The following SEMA6D variants were observed in gnomAD, a reference collection of about 807,000 sequenced individuals.
SEMA6D encodes semaphorin-6D.
A neutral mutation model predicts 106.6 loss-of-function variants in SEMA6D; 35 were observed. The ratio of observed to expected loss-of-function variants is 0.33; its 90% confidence interval spans 0.25 to 0.44. The LOEUF (loss-of-function observed/expected upper bound fraction) is 0.44. SEMA6D is among the 20% of genes least tolerant of loss of function. The pLI, the probability that SEMA6D is intolerant of heterozygous loss-of-function variation, is 1.00. For missense variants in SEMA6D, 1,185 were observed against 1,345.9 expected, an observed-to-expected ratio of 0.88 and a Z score of 1.87; for synonymous variants, 499 against 487.7, an observed-to-expected ratio of 1.02 and a Z score of -0.31.
In SEMA6D at chr15:47,770,620, A is replaced by G; in HGVS notation, c.2057A>G (p.Tyr686Cys). Residue 686 changes from tyrosine to cysteine, a missense_variant, in exon 19 of 19, where the codon TAT becomes TGT. Physicochemically the swap from Tyr to Cys is radical, Grantham distance 194. This residue lies in a region of SEMA6D where 750 missense variants were observed against 783.5 expected (regional missense o/e 0.96). Coordinates refer to ENST00000536845, the MANE Select transcript of SEMA6D (RefSeq NM_001358351.3). ...AFIAGVAVYC[Y>C]RDMFVRKNRK... ...ATTGCAGGTGTGGCAGTATACTGCT[A>G]TCGAGACATGTTTGTTCGGAAAAAC... 6.2e-7 allele frequency: 1 copy of G among 1,614,080 alleles called. No individual in the cohort carries two copies. The highest frequency in any genetic ancestry group is 8.5e-7 in the Non-Finnish European group (1 of 1,179,970).
intron 2 of SEMA6D, among the ~76,000 whole-genome samples, chr15:47,433,472 A>G (rs2041603476): frequency 1.3e-5 from 2 of 152,100 alleles, no homozygotes; most frequent in African/African-American, 2.4e-5. Context: ...CAACCTCTCC[A>G]GCTAAACTAT....
intron 4 of SEMA6D, among the ~76,000 whole-genome samples, chr15:47,645,624 G>A (rs549094201): frequency 2.0e-5 from 3 of 152,116 alleles, no homozygotes; most frequent in South Asian, 2.1e-4. Flanking sequence ...CCAGCTGGAT[G>A]TACTATAATT....
At chr15:47,744,509 A>T (rs1190475094) in intron 1 of SEMA6D, among the ~76,000 whole-genome samples, 1 of 152,098 alleles carries the variant, frequency 6.6e-6, no homozygotes, top group African/African-American at 2.4e-5. Context: ...CCCCTGGGTG[A>T]GGTGAGAAAG....
chr15:47,747,256 G>C (rs2081196361), intron 1 of SEMA6D, among the ~76,000 whole-genome samples: 1 of 152,124 alleles, frequency 6.6e-6, no homozygotes, highest in South Asian at 2.1e-4. Context: ...TAGGCAAATT[G>C]TTGCTAGAAT....
At chr15:47,364,621 A>G (rs1263450046) in intron 1 of SEMA6D, among the ~76,000 whole-genome samples, 1 of 152,144 alleles carries the variant, frequency 6.6e-6, no homozygotes, top group African/African-American at 2.4e-5. Flanking sequence ...CCTAAAATAC[A>G]TCGCTTAACA....
chr15:47,696,487 C>T (rs974073158), intron 4 of SEMA6D, among the ~76,000 whole-genome samples: 2 of 152,160 alleles, frequency 1.3e-5, no homozygotes, highest in Non-Finnish European at 2.9e-5. Context: ...AGAGAGAGGG[C>T]CCCTCCATGG....
At chr15:47,308,165 G>T (rs1029725025) in intron 1 of SEMA6D, among the ~76,000 whole-genome samples, 1 of 151,986 alleles carries the variant, frequency 6.6e-6, no homozygotes, top group African/African-American at 2.4e-5. Flanking sequence ...TTTAAGTAGT[G>T]GCCCAACTGT....
At chr15:47,667,074 C>T (rs964773720) in intron 4 of SEMA6D, among the ~76,000 whole-genome samples, 2 of 152,176 alleles carry the variant, frequency 1.3e-5, no homozygotes, top group Admixed American at 6.6e-5. Context: ...CAACCCATTC[C>T]GTCAGCCTCC....
chr15:47,748,830 T>C (rs1471058588), intron 1 of SEMA6D, among the ~76,000 whole-genome samples: 3 of 152,176 alleles, frequency 2.0e-5, no homozygotes, highest in Non-Finnish European at 4.4e-5. Context: ...ATAGCATTTG[T>C]GTTTTAGAAA....
chr15:47,258,763 A>G (rs1187931231), intron 1 of SEMA6D, among the ~76,000 whole-genome samples: 1 of 152,098 alleles, frequency 6.6e-6, no homozygotes, highest in Admixed American at 6.5e-5. Context: ...CAATTTCCAT[A>G]ATAAATATCA....
chr15:47,192,576 A>G (rs1187866878), intron 1 of SEMA6D, among the ~76,000 whole-genome samples: 1 of 152,228 alleles, frequency 6.6e-6, no homozygotes, highest in Non-Finnish European at 1.5e-5. Flanking sequence ...ATCATTAAAA[A>G]GCATTTTTTT....
At chr15:47,470,267 C>T (rs1010504713) in intron 2 of SEMA6D, among the ~76,000 whole-genome samples, 1 of 152,094 alleles carries the variant, frequency 6.6e-6, no homozygotes, top group Non-Finnish European at 1.5e-5. Flanking sequence ...TTTTGTCAGG[C>T]CCTGGTCAGC....
intron 1 of SEMA6D, among the ~76,000 whole-genome samples, chr15:47,237,724 T>G (rs763770763): frequency 6.6e-6 from 1 of 152,074 alleles, no homozygotes; most frequent in Admixed American, 6.6e-5. Context: ...TACACCCCCT[T>G]TTAACTATGA....
At chr15:47,754,399 A>G (rs2081603449) in intron 1 of SEMA6D, among the ~76,000 whole-genome samples, 2 of 152,194 alleles carry the variant, frequency 1.3e-5, no homozygotes. Context: ...TCATTTTTGA[A>G]GAATATTTTT....
At chr15:47,293,534 C>T (rs2035678481) in intron 1 of SEMA6D, among the ~76,000 whole-genome samples, 1 of 152,172 alleles carries the variant, frequency 6.6e-6, no homozygotes, top group South Asian at 2.1e-4. Context: ...TGTCTGTACT[C>T]TGTGTCTTCC....
At chr15:47,372,458 A>G (rs962511328) in intron 1 of SEMA6D, among the ~76,000 whole-genome samples, 16 of 152,312 alleles carry the variant, frequency 1.1e-4, no homozygotes, top group Non-Finnish European at 8.8e-5. Flanking sequence ...AATAGTTGGA[A>G]AGCAGAAGCT....
chr15:47,578,852 G>T (rs2076204584), intron 3 of SEMA6D, among the ~76,000 whole-genome samples: 1 of 152,148 alleles, frequency 6.6e-6, no homozygotes, highest in South Asian at 2.1e-4. Flanking sequence ...CTTTACAACA[G>T]TTGGGATTAA....
chr15:47,490,330 T>A (rs1325043885), intron 3 of SEMA6D, among the ~76,000 whole-genome samples: 1 of 152,168 alleles, frequency 6.6e-6, no homozygotes, highest in Non-Finnish European at 1.5e-5. Context: ...AGTTAAAAAC[T>A]TTTATTCCCT....
chr15:47,211,169 CTATT>C (rs572615600), intron 1 of SEMA6D, among the ~76,000 whole-genome samples: 1 of 152,240 alleles, frequency 6.6e-6, no homozygotes, highest in South Asian at 2.1e-4. Context: ...TACTCTCTCT[CTATT>C]TTTTATCTTT....
Sources: gnomAD v4.1 joint callset for allele counts (sites outside exome capture counted in the v4.1 genomes callset) on GRCh38, gnomAD v4.1.1 for gene constraint, gnomAD v4.1.1 regional missense constraint, MANE v1.5 for transcripts, NCBI Gene and HGNC (gene_info 2026-07-23, HGNC 2026-07-21) for gene names.